Variants in NPRL3 observed in about 807,000 individuals in gnomAD.
NPRL3 encodes NPR3 like, GATOR1 complex subunit, also known as GATOR1 complex protein NPRL3.
NPRL3 carries 23 observed loss-of-function variants against 57.2 expected under a neutral mutation model. The observed-to-expected ratio is 0.40, with a 90% CI of 0.29 to 0.57. NPRL3 has a LOEUF of 0.57. Among genes scored for constraint, NPRL3 ranks in the 20% least tolerant of loss-of-function variants. NPRL3 has a pLI of 0.42. For synonymous variants in NPRL3, 333 were observed against 321.1 expected (o/e 1.04, Z -0.39); for missense variants, 691 against 767.1 (o/e 0.90, Z 1.17).
intron 12 of NPRL3, 116 bp downstream of exon 12, chr16:89,597 C>T (rs564358994): frequency 3.0e-5 from 29 of 961,856 alleles, no homozygotes; most frequent in African/African-American, 6.9e-5. Flanking sequence ...CGTGCATGTG[C>T]GTGTGCAGCT....
chr16:116,798 C>CCG (rs1555443795), intron 5 of NPRL3, among the ~76,000 whole-genome samples: 2 of 142,000 alleles, frequency 1.4e-5, no homozygotes, highest in Admixed American at 7.0e-5. Flanking sequence ...CCCCCCCCCC[C>CCG]CACCGATCTC....
At chr16:114,881 A>G (rs564845378) in intron 5 of NPRL3, among the ~76,000 whole-genome samples, 1 of 152,218 alleles carries the variant, frequency 6.6e-6, no homozygotes, top group South Asian at 2.1e-4. Flanking sequence ...ATATGGAGCC[A>G]GGGTTTAAAG....
intron 4 of NPRL3, among the ~76,000 whole-genome samples, chr16:118,101 C>T (rs1033856630): frequency 5.9e-5 from 9 of 152,150 alleles, no homozygotes; most frequent in East Asian, 1.9e-4. Context: ...AGGGAGGGTG[C>T]GGTACAGGGG....
chr16:111,388 A>G (rs1444536554), intron 6 of NPRL3, among the ~76,000 whole-genome samples: 1 of 152,116 alleles, frequency 6.6e-6, no homozygotes, highest in African/African-American at 2.4e-5. Context: ...TGACAGAGGA[A>G]AAAACAAAAG....
At chr16:127,997 T>C (rs12925382) in intron 3 of NPRL3, among the ~76,000 whole-genome samples, 24 of 57,178 alleles carry the variant, frequency 4.2e-4, no homozygotes, top group East Asian at 2.8e-3. Flanking sequence ...TCTTCTTCTT[T>C]TTTTTTTTTT....
intron 4 of NPRL3, among the ~76,000 whole-genome samples, chr16:118,677 G>T (rs1393131370): frequency 6.6e-6 from 1 of 152,216 alleles, no homozygotes; most frequent in African/African-American, 2.4e-5. Context: ...GGTTTATGAA[G>T]ATGCACAGTT....
chr16:108,740 A>G (rs551951985), intron 7 of NPRL3, among the ~76,000 whole-genome samples: 28 of 151,726 alleles, frequency 1.8e-4, no homozygotes, highest in African/African-American at 6.8e-4. Flanking sequence ...GCGCCATCTC[A>G]GCTCACTGCA....
chr16:91,334 T>C (rs529110599), intron 11 of NPRL3, among the ~76,000 whole-genome samples: 26 of 152,308 alleles, frequency 1.7e-4, no homozygotes, highest in South Asian at 1.2e-3. Flanking sequence ...GCCGAGATCA[T>C]GCCATTGCAC....
intron 13 of NPRL3, among the ~76,000 whole-genome samples, chr16:87,211 G>A (rs1475074927): frequency 6.6e-6 from 1 of 152,012 alleles, no homozygotes; most frequent in Non-Finnish European, 1.5e-5. Flanking sequence ...CGTAGCTCTG[G>A]AGCCAAATGG....
intron 9 of NPRL3, among the ~76,000 whole-genome samples, chr16:95,367 AC>A (rs1898959469): frequency 6.8e-6 from 1 of 147,680 alleles, no homozygotes; most frequent in African/African-American, 2.5e-5. Flanking sequence ...ACACACACAC[AC>A]ACACACACAC....
At chr16:98,353 C>G in intron 8 of NPRL3, 52 bp from the exon 9 acceptor site, 1 of 1,583,550 alleles carries the variant, frequency 6.3e-7, no homozygotes, top group South Asian at 1.1e-5. Context: ...AACCCTGCAC[C>G]GGGTATGCAC....
intron 10 of NPRL3, 171 bp from the exon 11 acceptor site, chr16:92,896 C>T (rs951789769): frequency 4.0e-6 from 3 of 757,192 alleles, no homozygotes; most frequent in African/African-American, 1.7e-5. Flanking sequence ...AGCCTGGGCA[C>T]TTCCCCTTGA....
rs763058746 is a variant in NPRL3 at position 106,629 on chromosome 16, T to TAAA, written c.629+3893_629+3895dup. Among the ~76,000 whole-genome samples the TAAA allele has an allele frequency of 9.9e-3, 595 of 60,102 alleles. 38 individuals are homozygous for TAAA. Among genetic ancestry groups the TAAA allele is most frequent in the African/African-American group, 0.02 (311 of 15,740 alleles). 39.4% of individuals were successfully genotyped at this position (60,102 alleles called of 152,430 possible). On this transcript the variant is annotated intron_variant, in intron 7 of 13. Transcript: ENST00000611875. Reference sequence around the variant, plus strand: ...AATAGAGTGAGACCCTGCCTTAAATTAAAAAAAAAAAAAAAAAAAAAAAAA... The same window carrying TAAA: ...AATAGAGTGAGACCCTGCCTTAAATTAAAAAAAAAAAAAAAAAAAAAAAAAAAA...
chr16:90,299 C>T (rs1270983382), intron 11 of NPRL3: 3 of 218,602 alleles, frequency 1.4e-5, no homozygotes, highest in African/African-American at 4.7e-5. Flanking sequence ...GAGTTGGACC[C>T]AGCCAGCAAG....
In NPRL3 at chr16:99,887, C is replaced by T. The variant is rs59642192; in HGVS notation, c.767+485G>A. 3.4e-3 allele frequency among the ~76,000 whole-genome samples: 503 copies of T among 146,040 alleles called. 5 individuals are homozygous for T. The highest frequency in any genetic ancestry group is 0.017 in the Middle Eastern group (5 of 290). Reference sequence around the variant, plus strand: ...GGTGGACGTAGTGGTGAGCCGGGATCGCACTACTGAAATCCAGCCTGGGCG... The same window carrying T: ...GGTGGACGTAGTGGTGAGCCGGGATTGCACTACTGAAATCCAGCCTGGGCG... On this transcript the variant is annotated intron_variant, in intron 8 of 13. Transcript: ENST00000611875.
chr16:99,250 T>C (rs997685275), intron 8 of NPRL3, among the ~76,000 whole-genome samples: 2 of 152,198 alleles, frequency 1.3e-5, no homozygotes, highest in Non-Finnish European at 1.5e-5. Flanking sequence ...TTTTCAGCAA[T>C]GTGCCCAGAT....
chr16:103,296 A>ATGTTTTTTTTTTTTTTTTTTTTT (rs1899380750), intron 7 of NPRL3, among the ~76,000 whole-genome samples: 1 of 42,110 alleles, frequency 2.4e-5, no homozygotes, highest in Non-Finnish European at 4.1e-5. Context: ...GCCTGGGGTG[A>ATGTTTTTTTTTTTTTTTTTTTTT]TTTTTTTTTT....
chr16:89,465 T>C (rs1048234204), intron 12 of NPRL3: 1 of 480,892 alleles, frequency 2.1e-6, no homozygotes, highest in Non-Finnish European at 3.6e-6. Context: ...ACTGATTTGC[T>C]GGGCTGGGAG....
intron 9 of NPRL3, among the ~76,000 whole-genome samples, chr16:95,618 G>A (rs1301074654): frequency 1.3e-5 from 2 of 151,950 alleles, no homozygotes; most frequent in African/African-American, 4.8e-5. Flanking sequence ...CTGTTGCCCA[G>A]ACTGCAGTGT....
Sources: gnomAD v4.1 joint callset for allele counts (sites outside exome capture counted in the v4.1 genomes callset) on GRCh38, gnomAD v4.1.1 for gene constraint, MANE v1.5 for transcripts, NCBI Gene and HGNC (gene_info 2026-07-23, HGNC 2026-07-21) for gene names.